TENM3: variants seen among roughly 807,000 people sequenced by gnomAD.
TENM3 encodes the protein teneurin transmembrane protein 3.
A neutral mutation model predicts 255.1 loss-of-function variants in TENM3; 63 were observed. The ratio of observed to expected loss-of-function variants is 0.25; its 90% CI spans 0.20 to 0.30. TENM3 has a LOEUF of 0.30. Ranked by LOEUF, TENM3 falls within the 10% of genes least tolerant of loss-of-function variation. TENM3 has a pLI of 1.00. For missense variants in TENM3, 2,929 were observed against 3,461.1 expected (o/e 0.85, Z 3.86); for synonymous variants, 1,306 against 1,322.3 (o/e 0.99, Z 0.27).
At chr4:182,527,537 G>A (rs1172454891) in intron 3 of TENM3, among the ~76,000 whole-genome samples, 2 of 151,616 alleles carry the variant, frequency 1.3e-5, no homozygotes, top group Non-Finnish European at 1.5e-5. Context: ...ATACATTAAC[G>A]TGGCATTTTA....
chr4:181,538,720 A>G, the TENM3 span, among the ~76,000 whole-genome samples: 1 of 152,202 alleles, frequency 6.6e-6, no homozygotes, highest in Non-Finnish European at 1.5e-5. Context: ...AATGCACTCA[A>G]GAACTGCACT....
At chr4:181,457,235 CAT>C in the TENM3 span, among the ~76,000 whole-genome samples, 1 of 151,816 alleles carries the variant, frequency 6.6e-6, no homozygotes, top group South Asian at 2.1e-4. Context: ...TATTTAATAA[CAT>C]ATGAAAAGGT....
chr4:181,777,487 T>C, the TENM3 span, among the ~76,000 whole-genome samples: 1 of 152,124 alleles, frequency 6.6e-6, no homozygotes, highest in Non-Finnish European at 1.5e-5. Flanking sequence ...AGTCTCTAGA[T>C]TGCTTTGGGT....
the TENM3 span, among the ~76,000 whole-genome samples, chr4:181,717,733 G>A: frequency 6.6e-6 from 1 of 152,264 alleles, no homozygotes; most frequent in South Asian, 2.1e-4. Flanking sequence ...GGTATTGTTT[G>A]CATCTGGTAT....
Position 182,738,409 on chromosome 4 carries a change from G to A in TENM3, c.3244G>A (p.Gly1082Arg). Reference protein sequence around the residue: ...YGLSEAVVSVGYEYESCLDLT... With the variant: ...YGLSEAVVSVRYEYESCLDLT... The stretch of plus-strand genomic sequence containing the variant: ...ATTTGTTTGGATTCCAGTGTCAGTT[G>A]GATATGAGTATGAGTCGTGTTTGGA... The change falls in exon 18 of 28, where the codon GGA (glycine) becomes AGA (arginine). Residue 1082 changes from glycine (G) to arginine (R), a missense_variant. This residue lies in a region of TENM3 where 1,608 missense variants were observed against 1,884.4 expected (regional missense o/e 0.85). Coordinates refer to ENST00000511685, the MANE Select transcript of TENM3 (RefSeq NM_001080477.4). 1.2e-6 allele frequency: 2 copies of A among 1,607,438 alleles called. No homozygotes were observed. The highest frequency in any genetic ancestry group is 1.7e-6 in the Non-Finnish European group (2 of 1,176,976).
At chr4:182,212,104 G>A (rs1291776205) in intron 1 of TENM3, among the ~76,000 whole-genome samples, 1 of 152,026 alleles carries the variant, frequency 6.6e-6, no homozygotes, top group Admixed American at 6.6e-5. Context: ...AAAAATTCTC[G>A]CCATGGTTTA....
the TENM3 span, among the ~76,000 whole-genome samples, chr4:181,837,088 C>A: frequency 2.0e-5 from 3 of 152,030 alleles, no homozygotes; most frequent in African/African-American, 7.2e-5. Context: ...CACTTTCTTG[C>A]AAATGTACTT....
At chr4:181,629,221 A>T in the TENM3 span, among the ~76,000 whole-genome samples, 1 of 152,130 alleles carries the variant, frequency 6.6e-6, no homozygotes, top group Non-Finnish European at 1.5e-5. Flanking sequence ...CTTATCAGCT[A>T]TAAGGAGATT....
At chr4:182,344,160 C>A (rs1158398182) in intron 2 of TENM3, among the ~76,000 whole-genome samples, 1 of 151,952 alleles carries the variant, frequency 6.6e-6, no homozygotes, top group Admixed American at 6.6e-5. Flanking sequence ...GTCAGGACAG[C>A]CCTGAAAGAT....
chr4:182,152,683 C>T (rs1750423064), intron 1 of TENM3, among the ~76,000 whole-genome samples: 1 of 151,724 alleles, frequency 6.6e-6, no homozygotes, highest in East Asian at 1.9e-4. Context: ...AAAAATTACA[C>T]ATGTGACAGG....
chr4:182,558,562 GA>G (rs1342171829), intron 3 of TENM3, among the ~76,000 whole-genome samples: 2 of 152,160 alleles, frequency 1.3e-5, no homozygotes, highest in African/African-American at 4.8e-5. Context: ...AGAGGAAGTA[GA>G]TTGGGGATAT....
At chr4:181,525,422 T>TGCA in the TENM3 span, among the ~76,000 whole-genome samples, 2 of 130,662 alleles carry the variant, frequency 1.5e-5, no homozygotes, top group Non-Finnish European at 3.3e-5. Flanking sequence ...AAAAAAGGAA[T>TGCA]GCAGAAGAAC....
At chr4:182,756,799 A>G (rs961510927) in intron 22 of TENM3, among the ~76,000 whole-genome samples, 1 of 152,232 alleles carries the variant, frequency 6.6e-6, no homozygotes, top group Admixed American at 6.5e-5. Context: ...TCAGAGGAAC[A>G]AACCTTTTCA....
chr4:182,530,300 T>G (rs1347327337), intron 3 of TENM3, among the ~76,000 whole-genome samples: 1 of 152,228 alleles, frequency 6.6e-6, no homozygotes, highest in East Asian at 1.9e-4. Flanking sequence ...TCCAAAGTAT[T>G]GTGTTTCGAA....
At chr4:182,153,780 T>A (rs1750507483) in intron 1 of TENM3, among the ~76,000 whole-genome samples, 1 of 152,140 alleles carries the variant, frequency 6.6e-6, no homozygotes, top group Admixed American at 6.5e-5. Flanking sequence ...AATTTTATAT[T>A]GAGCTATCAG....
the TENM3 span, among the ~76,000 whole-genome samples, chr4:181,586,333 C>T: frequency 3.9e-5 from 6 of 152,204 alleles, no homozygotes; most frequent in African/African-American, 1.4e-4. Context: ...CTGAATTCCA[C>T]AGGTTCTGAT....
chr4:182,558,332 G>A (rs1323662443), intron 3 of TENM3, among the ~76,000 whole-genome samples: 1 of 152,178 alleles, frequency 6.6e-6, no homozygotes, highest in East Asian at 1.9e-4. Context: ...TGCACAACAT[G>A]GGGTGTTGAA....
the TENM3 span, among the ~76,000 whole-genome samples, chr4:181,612,303 A>G: frequency 2.6e-5 from 4 of 152,302 alleles, no homozygotes; most frequent in South Asian, 8.3e-4. Context: ...CTGTATTTAT[A>G]TATCTCTGAT....
At chr4:181,460,739 C>G in the TENM3 span, among the ~76,000 whole-genome samples, 1 of 146,020 alleles carries the variant, frequency 6.8e-6, no homozygotes, top group African/African-American at 2.5e-5. Context: ...TTACCACATA[C>G]TCAGTAACAT....
Sources: allele counts gnomAD v4.1 joint callset (sites outside exome capture counted in the v4.1 genomes callset), GRCh38; gene constraint gnomAD v4.1.1; regional missense constraint gnomAD v4.1.1; transcripts MANE v1.5; gene names NCBI Gene and HGNC (gene_info 2026-07-23, HGNC 2026-07-21).